Variants in KAZN observed in about 807,000 individuals in gnomAD.
KAZN encodes the protein kazrin.
A neutral mutation model predicts 87.4 loss-of-function variants in KAZN; 40 were observed. The ratio of observed to expected loss-of-function variants is 0.46; its 90% confidence interval spans 0.36 to 0.60. KAZN has a LOEUF of 0.60. Ranked by LOEUF, KAZN falls within the 20% of genes least tolerant of loss-of-function variation. The pLI is 0.00. For missense variants in KAZN, 898 were observed against 1,073.9 expected, an observed-to-expected ratio of 0.84 and a Z score of 2.29; for synonymous variants, 466 against 458.3, an observed-to-expected ratio of 1.02 and a Z score of -0.22.
chr1:14,085,358 C>T (rs116002796), intron 1 of KAZN, among the ~76,000 whole-genome samples: 69 of 152,250 alleles, frequency 4.5e-4, no homozygotes, highest in Non-Finnish European at 8.5e-4. Context: ...TTGTAACCAC[C>T]GCCACCAATG....
At chr1:15,057,511 C>T (rs113931292) in intron 5 of KAZN, among the ~76,000 whole-genome samples, 14 of 152,270 alleles carry the variant, frequency 9.2e-5, no homozygotes, top group African/African-American at 3.4e-4. Context: ...CTTTGAGAAC[C>T]CAGACAGTAA....
chr1:14,866,411 C>A (rs1485242092), intron 1 of KAZN, among the ~76,000 whole-genome samples: 4 of 152,254 alleles, frequency 2.6e-5, no homozygotes, highest in African/African-American at 7.2e-5. Flanking sequence ...GTCCCTGGAG[C>A]CTGGCATGCA....
At chr1:15,065,800 C>T (rs761794044) in intron 8 of KAZN, 47 bp downstream of exon 8, 15 of 1,602,880 alleles carry the variant, frequency 9.4e-6, no homozygotes, top group African/African-American at 5.4e-5. Context: ...ACTGGTGATA[C>T]GCGCTCCCCT....
rs1260125577 is a variant in KAZN, at chr1:14,621,080, C to G, written c.226+21857C>G. On this transcript the variant is annotated intron_variant, in intron 1 of 14. Coordinates refer to ENST00000376030, the MANE Select transcript of KAZN (RefSeq NM_201628.3). ...GGACATTTTCCTGGAGCTTCTACTT[C>G]CCAGGGGAGCTGCCAAGTGAAAAGA... Among the ~76,000 whole-genome samples, 3 of 152,288 alleles carry G rather than the reference C, an allele frequency of 2.0e-5. No homozygotes were observed. In the East Asian group the frequency reaches 5.8e-4, roughly 29 times the overall value.
chr1:14,432,728 C>T (rs898945027), intron 2 of KAZN, among the ~76,000 whole-genome samples: 2 of 151,976 alleles, frequency 1.3e-5, no homozygotes, highest in Non-Finnish European at 2.9e-5. Context: ...CCTTTCCCCA[C>T]CCCCAACCCC....
At chr1:15,048,730 A>ATGGGTCGTCGATCC (rs1296160724) in intron 4 of KAZN, among the ~76,000 whole-genome samples, 68 of 98,846 alleles carry the variant, frequency 6.9e-4, no homozygotes, top group Non-Finnish European at 1.1e-3. Context: ...GTCGTTGGTC[A>ATGGGTCGTCGATCC]TGGGTCGTCG....
intron 3 of KAZN, among the ~76,000 whole-genome samples, chr1:15,038,008 CTG>C (rs143835008): frequency 0.082 from 12,413 of 152,156 alleles, 619 homozygotes; most frequent in Non-Finnish European, 0.11. Flanking sequence ...TCCCAGCACT[CTG>C]AGAAGCCAAG....
chr1:14,210,591 C>A (rs1174365853), intron 2 of KAZN, among the ~76,000 whole-genome samples: 1 of 152,122 alleles, frequency 6.6e-6, no homozygotes, highest in Non-Finnish European at 1.5e-5. Context: ...TTAGAACTAA[C>A]CCCATTGCAC....
At chr1:15,076,017 C>G (rs1198728491) in intron 8 of KAZN, among the ~76,000 whole-genome samples, 3 of 152,210 alleles carry the variant, frequency 2.0e-5, no homozygotes, top group Admixed American at 2.0e-4. Context: ...CCGTGCTATA[C>G]TAGGCCAGCT....
chr1:14,904,854 C>T (rs1572783999), intron 1 of KAZN, among the ~76,000 whole-genome samples: 3 of 152,188 alleles, frequency 2.0e-5, no homozygotes, highest in South Asian at 2.1e-4. Flanking sequence ...CTCCGCCACT[C>T]GGGTTCACAC....
chr1:14,410,601 G>C lies in KAZN; in HGVS notation c.250-188382G>C, dbSNP rs190817231. ...AAAGGACCTTCACAGATGTGAAAAAGTTAATGATCTTGAGATGGAATTCAT... is the reference window on the plus strand; with the variant it reads ...AAAGGACCTTCACAGATGTGAAAAACTTAATGATCTTGAGATGGAATTCAT... On this transcript the variant is annotated intron_variant, in intron 2 of 16. Coordinates refer to the KAZN transcript ENST00000636203. 7.9e-5 allele frequency among the ~76,000 whole-genome samples: 12 copies of C among 152,306 alleles called. No homozygotes were observed. In the East Asian group the frequency reaches 2.3e-3, roughly 29 times the overall value.
intron 1 of KAZN, among the ~76,000 whole-genome samples, chr1:14,142,567 TC>T (rs1170676341): frequency 6.6e-6 from 1 of 152,210 alleles, no homozygotes; most frequent in Admixed American, 6.5e-5. Context: ...ATTTGTACAT[TC>T]CTCGTATCCC....
At chr1:14,028,171 C>A (rs1223486470) in intron 1 of KAZN, among the ~76,000 whole-genome samples, 1 of 146,342 alleles carries the variant, frequency 6.8e-6, no homozygotes, top group Non-Finnish European at 1.5e-5. Flanking sequence ...CTTTGGGGTG[C>A]AGCTCTTTAT....
intron 1 of KAZN, among the ~76,000 whole-genome samples, chr1:14,755,177 C>T (rs978269105): frequency 1.3e-5 from 2 of 151,822 alleles, no homozygotes; most frequent in Non-Finnish European, 2.9e-5. Flanking sequence ...TGCTTGAGCC[C>T]AGGAGACGGA....
chr1:15,027,067 C>CT (rs1442824114), intron 2 of KAZN, among the ~76,000 whole-genome samples: 757 of 62,064 alleles, frequency 0.012, 32 homozygotes, highest in African/African-American at 0.038. Flanking sequence ...CAAGCCAGTG[C>CT]TTCTTTTTTT....
Position 15,066,253 on chromosome 1 carries a change from T to G in KAZN, c.1222+500T>G, listed in dbSNP as rs1307266621. 2.0e-6 allele frequency: 2 copies of G among 986,154 alleles called. No individual in the cohort carries two copies. Among genetic ancestry groups the G allele is most frequent in the African/African-American group, 3.5e-5 (2 of 57,242 alleles). The allele number at this position is 986,154 out of a possible 1,614,324, so 61.1% of individuals were successfully genotyped here. A position where few individuals can be genotyped will look rare whatever the true frequency, so the allele number is the denominator to read the frequency against. On this transcript the variant is annotated intron_variant, in intron 8 of 14. Coordinates refer to ENST00000376030, the MANE Select transcript of KAZN (RefSeq NM_201628.3). The surrounding 1 kb of genome is among the most constrained non-coding windows in gnomAD (Gnocchi z 4.3). ...TAAATAACAAAACTATTGTGCACTC[T>G]GTGCTTGTAAATGTCCCTCGTCCAA... is the stretch of plus-strand genomic sequence containing the variant.
intron 1 of KAZN, among the ~76,000 whole-genome samples, chr1:14,660,818 T>C (rs1256590850): frequency 3.3e-5 from 5 of 152,178 alleles, no homozygotes; most frequent in Admixed American, 1.3e-4. Context: ...AGAAAGTGGC[T>C]GTGCAAATAA....
chr1:14,268,204 G>A (rs529960954), intron 2 of KAZN, among the ~76,000 whole-genome samples: 20 of 152,284 alleles, frequency 1.3e-4, no homozygotes, highest in African/African-American at 4.3e-4. Context: ...CAAGGCTTAA[G>A]GAAGTTAATA....
chr1:13,948,162 T>C (rs1363776635), intron 1 of KAZN, among the ~76,000 whole-genome samples: 1 of 152,136 alleles, frequency 6.6e-6, no homozygotes, highest in Middle Eastern at 3.2e-3. Context: ...CTACTACAGG[T>C]ATAGAAGAGA....
Sources: gnomAD v4.1 joint callset for allele counts (sites outside exome capture counted in the v4.1 genomes callset) on GRCh38, gnomAD v4.1.1 for gene constraint, Gnocchi (gnomAD v3.1) non-coding constraint, MANE v1.5 for transcripts, NCBI Gene and HGNC (gene_info 2026-07-23, HGNC 2026-07-21) for gene names.